MAD1L1: variants seen among roughly 807,000 people sequenced by gnomAD.
MAD1L1 encodes mitotic spindle assembly checkpoint protein MAD1.
MAD1L1 carries 95 observed loss-of-function variants against 96.9 expected under a neutral mutation model. The ratio of observed to expected loss-of-function variants is 0.98; its 90% CI spans 0.83 to 1.16. The LOEUF (loss-of-function observed/expected upper bound fraction) is 1.16, where lower values mean the gene tolerates loss of function less well. MAD1L1 is among the 50% of genes most tolerant of loss of function. MAD1L1 has a pLI of 0.00. For synonymous variants in MAD1L1, 473 were observed against 396.6 expected (o/e 1.19, Z -2.29); for missense variants, 1,007 against 954.4 (o/e 1.06, Z -0.73).
At chr7:1,980,658 C>A in intron 14 of MAD1L1, 117 bp from the exon 15 acceptor site, 1 of 798,356 alleles carries the variant, frequency 1.3e-6, no homozygotes, top group Non-Finnish European at 2.2e-6. Flanking sequence ...GGGCTGGGAG[C>A]TGCGGGAGAG....
chr7:2,074,928 C>T (rs1051750779), intron 11 of MAD1L1, among the ~76,000 whole-genome samples: 3 of 152,176 alleles, frequency 2.0e-5, no homozygotes, highest in South Asian at 4.1e-4. Context: ...GGGCAGCTGG[C>T]GTGCTCATTC....
At chr7:1,867,449 G>A (rs1169571605) in intron 18 of MAD1L1, among the ~76,000 whole-genome samples, 2 of 152,362 alleles carry the variant, frequency 1.3e-5, no homozygotes, top group East Asian at 3.9e-4. Flanking sequence ...TCCTCTGGGG[G>A]CCGCAGGAAT....
intron 18 of MAD1L1, among the ~76,000 whole-genome samples, chr7:1,893,157 G>C (rs1444278681): frequency 6.6e-6 from 1 of 152,150 alleles, no homozygotes; most frequent in East Asian, 1.9e-4. Context: ...GTTCCCGCTG[G>C]GAAGAGCTGG....
intron 18 of MAD1L1, among the ~76,000 whole-genome samples, chr7:1,871,657 G>A (rs1369401243): frequency 6.7e-6 from 1 of 149,424 alleles, no homozygotes; most frequent in Non-Finnish European, 1.5e-5. Context: ...CTGCCATGCT[G>A]AACCCAACAT....
intron 4 of MAD1L1, among the ~76,000 whole-genome samples, chr7:2,224,475 T>C (rs1400086644): frequency 6.6e-6 from 1 of 152,170 alleles, no homozygotes; most frequent in Non-Finnish European, 1.5e-5. Flanking sequence ...TCAGTCTCAC[T>C]GAGCCCACAC....
chr7:2,225,756 G>A (rs1338457481), intron 3 of MAD1L1, among the ~76,000 whole-genome samples: 2 of 152,216 alleles, frequency 1.3e-5, no homozygotes, highest in African/African-American at 2.4e-5. Context: ...GGAAGAGGAA[G>A]ACGTCTTTTG....
At chr7:2,166,894 C>T (rs1171898303) in intron 10 of MAD1L1, among the ~76,000 whole-genome samples, 3 of 152,230 alleles carry the variant, frequency 2.0e-5, no homozygotes, top group Admixed American at 2.0e-4. Context: ...AGCACCACTA[C>T]ACACCTGGGC....
In MAD1L1 at chr7:1,983,154, GCACA is replaced by G. The variant is rs976027470; in HGVS notation, c.1417-2617_1417-2614del. Among the ~76,000 whole-genome samples, 21 of 31,468 alleles carry G rather than the reference GCACA, an allele frequency of 6.7e-4. 1 individual carries two copies. The highest frequency in any genetic ancestry group is 1.8e-3 in the East Asian group (1 of 554). The allele number at this position is 31,468 out of a possible 152,430, so 20.6% of individuals were successfully genotyped here. On this transcript the variant is annotated intron_variant, in intron 14 of 18. Coordinates refer to ENST00000265854, the MANE Select transcript of MAD1L1 (RefSeq NM_001013836.2). Reference sequence around the variant, plus strand: ...CAGACGCGCGCGCGCGCGCGCGCGCGCACACACACACACACACACACACACACAC... The same window carrying G: ...CAGACGCGCGCGCGCGCGCGCGCGCGCACACACACACACACACACACACAC...
At chr7:1,948,019 G>C (rs115404670) in intron 16 of MAD1L1, among the ~76,000 whole-genome samples, 236 of 152,300 alleles carry the variant, frequency 1.5e-3, no homozygotes, top group African/African-American at 5.4e-3. Context: ...GCCCGGGAGC[G>C]GTGGGAGGAT....
intron 13 of MAD1L1, among the ~76,000 whole-genome samples, chr7:2,008,289 C>T (rs1480363026): frequency 6.6e-6 from 1 of 152,208 alleles, no homozygotes; most frequent in African/African-American, 2.4e-5. Flanking sequence ...AGGGTTCCTC[C>T]AGGAAACCGC....
At chr7:2,024,600 C>T (rs1424999839) in intron 12 of MAD1L1, among the ~76,000 whole-genome samples, 1 of 152,200 alleles carries the variant, frequency 6.6e-6, no homozygotes, top group Non-Finnish European at 1.5e-5. Context: ...GCTGCTGCCC[C>T]CTCTGTAGGC....
intron 14 of MAD1L1, among the ~76,000 whole-genome samples, chr7:1,995,508 G>T (rs910454499): frequency 1.3e-5 from 2 of 152,212 alleles, no homozygotes; most frequent in Non-Finnish European, 2.9e-5. Flanking sequence ...GCTGAGGGAA[G>T]GGACCAGTTG....
intron 15 of MAD1L1, among the ~76,000 whole-genome samples, chr7:1,977,164 G>A (rs1780681517): frequency 6.6e-6 from 1 of 152,256 alleles, no homozygotes; most frequent in South Asian, 2.1e-4. Context: ...AGAGCAGGGG[G>A]CCGCGCCGTC....
At chr7:1,909,581 G>A (rs367555064) in intron 17 of MAD1L1, among the ~76,000 whole-genome samples, 381 of 152,272 alleles carry the variant, frequency 2.5e-3, no homozygotes, top group African/African-American at 8.8e-3. Context: ...GATGTCACCC[G>A]TGAGAACCGT....
chr7:2,014,505 C>T lies in MAD1L1; in HGVS notation c.1356G>A (p.Met452Ile). Residue 452 changes from methionine (M) to isoleucine (I), a missense_variant, in exon 13 of 19, where the codon ATG becomes ATA. Physicochemically the swap from Met to Ile is conservative, Grantham distance 10. Coordinates refer to ENST00000265854, the MANE Select transcript of MAD1L1 (RefSeq NM_001013836.2). Reference protein sequence around the residue: ...VQKVHSHSAEMEAQLSQALEE... With the variant: ...VQKVHSHSAEIEAQLSQALEE... ...CCCCACGCCCGCGGCCCCTCACCTC[C>T]ATCTCGGCGCTGTGGCTGTGCACCT... The T allele has an allele frequency of 6.3e-7, 1 of 1,585,356 alleles. No homozygotes were observed. Among genetic ancestry groups the T allele is most frequent in the Non-Finnish European group, 8.6e-7 (1 of 1,167,594 alleles).
intron 11 of MAD1L1, among the ~76,000 whole-genome samples, chr7:2,071,293 G>A (rs1172591405): frequency 1.3e-5 from 2 of 152,210 alleles, no homozygotes; most frequent in Admixed American, 6.5e-5. Context: ...ACTTGGTGGC[G>A]GTCCTGACCC....
At chr7:2,097,319 CT>C (rs1786544924) in intron 11 of MAD1L1, among the ~76,000 whole-genome samples, 1 of 152,212 alleles carries the variant, frequency 6.6e-6, no homozygotes, top group Admixed American at 6.5e-5. Context: ...CTAAGGCCTC[CT>C]CAGCCAAGAC....
In MAD1L1 at chr7:1,834,082, T is replaced by C. The variant is rs375182797; in HGVS notation, c.1999-17854A>G. The stretch of plus-strand genomic sequence containing the variant: ...AACTAACACACTTCTAAATAACCCA[T>C]ACGTCAAAGAAGAAATCAAAAGGGA... On this transcript the variant is annotated intron_variant, in intron 18 of 18. Coordinates refer to ENST00000265854, the MANE Select transcript of MAD1L1 (RefSeq NM_001013836.2). Among the ~76,000 whole-genome samples the C allele has an allele frequency of 1.1e-4, 17 of 152,246 alleles. No homozygotes were observed. In the East Asian group the frequency reaches 2.3e-3, roughly 21 times the overall value.
chr7:2,079,814 A>T (rs1785549423), intron 11 of MAD1L1: 2 of 466,314 alleles, frequency 4.3e-6, no homozygotes, highest in Non-Finnish European at 8.9e-6. Flanking sequence ...AGGAAATGAG[A>T]ACTGCAGAGA....
Sources: allele counts gnomAD v4.1 joint callset (sites outside exome capture counted in the v4.1 genomes callset), GRCh38; gene constraint gnomAD v4.1.1; transcripts MANE v1.5; gene names NCBI Gene and HGNC (gene_info 2026-07-23, HGNC 2026-07-21).